Variants in ESR1 observed in about 807,000 individuals in gnomAD.
The protein encoded by ESR1 is estrogen receptor.
In ESR1, 12 loss-of-function variants were observed where a neutral mutation model predicts 52.7. The ratio of observed to expected loss-of-function variants is 0.23; its 90% CI spans 0.15 to 0.37. The LOEUF (loss-of-function observed/expected upper bound fraction) is 0.37. ESR1 is among the 10% of genes least tolerant of loss of function. ESR1 has a pLI of 1.00. For synonymous variants in ESR1, 305 were observed against 316.8 expected (o/e 0.96, Z 0.39); for missense variants, 584 against 779.7 (o/e 0.75, Z 2.99).
intron 2 of ESR1, among the ~76,000 whole-genome samples, chr6:151,843,405 CCTCCATTGTTTTCTTGTCT>C (rs1274870514): frequency 6.6e-6 from 1 of 152,148 alleles, no homozygotes; most frequent in East Asian, 1.9e-4. Context: ...TTCCCGCCTG[CCTCCATTGTTTTCTTGTCT>C]ATAGTTTGCC....
At chr6:151,947,638 T>G (rs2035852722) in intron 4 of ESR1, among the ~76,000 whole-genome samples, 1 of 152,204 alleles carries the variant, frequency 6.6e-6, no homozygotes, top group Non-Finnish European at 1.5e-5. Flanking sequence ...CATTAACCCC[T>G]GGGGCTTATT....
At chr6:151,907,246 T>C (rs993535308) in intron 3 of ESR1, among the ~76,000 whole-genome samples, 70 of 152,106 alleles carry the variant, frequency 4.6e-4, no homozygotes, top group African/African-American at 1.6e-3. Context: ...AGTTTTTAAA[T>C]CAAACTTTAA....
At chr6:151,676,006 G>A (rs1055798161) in intron 1 of ESR1, among the ~76,000 whole-genome samples, 1 of 152,302 alleles carries the variant, frequency 6.6e-6, no homozygotes, top group East Asian at 1.9e-4. Context: ...TGAGTTACGA[G>A]GTAGAGTCAA....
chr6:151,941,674 C>G (rs982425856), intron 3 of ESR1, among the ~76,000 whole-genome samples: 2 of 151,902 alleles, frequency 1.3e-5, no homozygotes, highest in African/African-American at 4.8e-5. Flanking sequence ...TTGGGAATAC[C>G]CCCTTGAAAG....
At chr6:151,879,125 G>C (rs1004522477) in intron 2 of ESR1, among the ~76,000 whole-genome samples, 6 of 152,152 alleles carry the variant, frequency 3.9e-5, no homozygotes, top group Non-Finnish European at 7.3e-5. Flanking sequence ...TTGGATGGAG[G>C]AAATTGAATC....
At chr6:151,677,423 G>T (rs1778289270) in intron 1 of ESR1, among the ~76,000 whole-genome samples, 1 of 152,196 alleles carries the variant, frequency 6.6e-6, no homozygotes, top group Non-Finnish European at 1.5e-5. Flanking sequence ...CAGGCCCATG[G>T]TTCTCTGGGT....
At chr6:151,890,671 T>C (rs1794578918) in intron 3 of ESR1, among the ~76,000 whole-genome samples, 2 of 152,236 alleles carry the variant, frequency 1.3e-5, no homozygotes, top group Non-Finnish European at 2.9e-5. Context: ...ACTCCAATGT[T>C]GGGTGCATAT....
chr6:152,058,127 A>G (rs2128948382), intron 5 of ESR1, among the ~76,000 whole-genome samples: 1 of 152,274 alleles, frequency 6.6e-6, no homozygotes, highest in Non-Finnish European at 1.5e-5. Context: ...TATTTTGGCT[A>G]TGAGTTGTTA....
intron 3 of ESR1, among the ~76,000 whole-genome samples, chr6:151,943,208 G>A (rs960982090): frequency 1.1e-4 from 16 of 151,832 alleles, no homozygotes; most frequent in Admixed American, 3.9e-4. Flanking sequence ...GCGAAACCCC[G>A]TCTCTACTAA....
intron 2 of ESR1, among the ~76,000 whole-genome samples, chr6:151,784,162 T>C (rs1191582580): frequency 1.3e-5 from 2 of 152,186 alleles, no homozygotes; most frequent in Non-Finnish European, 2.9e-5. Flanking sequence ...GAAGTCACTC[T>C]GCACAGCTCA....
At chr6:152,081,735 T>C (rs1303255159) in intron 6 of ESR1, among the ~76,000 whole-genome samples, 1 of 151,834 alleles carries the variant, frequency 6.6e-6, no homozygotes, top group African/African-American at 2.4e-5. Flanking sequence ...CTAGCAAGAC[T>C]AATAAAGAAG....
At chr6:152,096,708 T>C (rs2050640702) in intron 7 of ESR1, 3 of 455,854 alleles carry the variant, frequency 6.6e-6, no homozygotes, top group East Asian at 1.4e-4. Flanking sequence ...GTCTGTCAGG[T>C]AGAGTAGGTG....
rs75949458 is a variant in ESR1, at chr6:152,008,223, C to A, written c.1097-3433C>A. ...TTCATTGAGAAGGTTACTTGATAAC[C>A]TTTCCTGCACACTCTCTCCCAACCC... On this transcript the variant is annotated intron_variant, in intron 4 of 7. Coordinates refer to ENST00000206249, the MANE Select transcript of ESR1 (RefSeq NM_000125.4). 2.3e-4 allele frequency among the ~76,000 whole-genome samples: 35 copies of A among 152,206 alleles called. No homozygotes were observed. The East Asian group carries it at 5.0e-3, about 22-fold the overall frequency.
chr6:151,773,068 G>A (rs1236032852), intron 2 of ESR1, among the ~76,000 whole-genome samples: 4 of 152,186 alleles, frequency 2.6e-5, no homozygotes, highest in Non-Finnish European at 5.9e-5. Context: ...GGTCTTTACA[G>A]GGTTAATGGA....
intron 2 of ESR1, among the ~76,000 whole-genome samples, chr6:151,765,270 T>C (rs879394715): frequency 6.6e-6 from 1 of 152,186 alleles, no homozygotes; most frequent in Non-Finnish European, 1.5e-5. Context: ...AAATTTACAT[T>C]TGAAAAAAAT....
chr6:151,686,651 G>T (rs111355556), upstream of ESR1, among the ~76,000 whole-genome samples: 1 of 152,112 alleles, frequency 6.6e-6, no homozygotes, highest in East Asian at 1.9e-4. Flanking sequence ...TGGCGCCACT[G>T]CACTCCAGCC....
intron 2 of ESR1, among the ~76,000 whole-genome samples, chr6:151,733,174 T>C (rs909453775): frequency 2.6e-5 from 4 of 152,236 alleles, no homozygotes; most frequent in Non-Finnish European, 5.9e-5. Flanking sequence ...ACTCCCATTT[T>C]ACAGTTGAGG....
chr6:151,982,756 A>G (rs930834819), intron 4 of ESR1, among the ~76,000 whole-genome samples: 1 of 152,034 alleles, frequency 6.6e-6, no homozygotes, highest in Non-Finnish European at 1.5e-5. Context: ...ATTTAGTCCT[A>G]TATAAAAAAA....
At chr6:151,867,367 C>G (rs1049848596) in intron 2 of ESR1, among the ~76,000 whole-genome samples, 1 of 151,460 alleles carries the variant, frequency 6.6e-6, no homozygotes, top group Non-Finnish European at 1.5e-5. Flanking sequence ...ATCTATCCAT[C>G]TAACAAAGGG....
Sources: gnomAD v4.1 joint callset for allele counts (sites outside exome capture counted in the v4.1 genomes callset) on GRCh38, gnomAD v4.1.1 for gene constraint, MANE v1.5 for transcripts, NCBI Gene and HGNC (gene_info 2026-07-23, HGNC 2026-07-21) for gene names.